The following GLI3 variants were observed in gnomAD, a reference collection of about 807,000 sequenced individuals.
GLI3 encodes transcription activator GLI3.
Under a neutral mutation model 100.8 loss-of-function variants are expected in GLI3, and 20 were observed. That is an observed-to-expected ratio of 0.20 (90% confidence interval 0.14 to 0.29). GLI3 has a LOEUF of 0.29. Ranked by LOEUF, GLI3 falls within the 10% of genes least tolerant of loss-of-function variation. The pLI, the probability that GLI3 is intolerant of heterozygous loss-of-function variation, is 1.00. For missense variants in GLI3, 2,040 were observed against 2,128.5 expected (o/e 0.96, Z 0.82); for synonymous variants, 938 against 860.5 (o/e 1.09, Z -1.58).
intron 1 of GLI3, among the ~76,000 whole-genome samples, chr7:42,254,203 G>T (rs370939877): frequency 4.6e-5 from 4 of 87,660 alleles, no homozygotes; most frequent in African/African-American, 7.6e-5. Flanking sequence ...TGGGCAACAA[G>T]AGCAAAACTC....
intron 4 of GLI3, among the ~76,000 whole-genome samples, chr7:42,049,465 T>C (rs557983867): frequency 2.2e-4 from 34 of 152,382 alleles, no homozygotes; most frequent in Admixed American, 2.1e-3. Context: ...CCACGTTCAG[T>C]GAGCAGTAGC....
intron 3 of GLI3, among the ~76,000 whole-genome samples, chr7:42,104,371 C>T (rs1039646993): frequency 2.0e-5 from 3 of 152,194 alleles, no homozygotes; most frequent in Non-Finnish European, 4.4e-5. Context: ...TTCACACATC[C>T]GCTCTAGCAT....
intron 12 of GLI3, among the ~76,000 whole-genome samples, chr7:41,974,064 C>T (rs750920775): frequency 1.4e-4 from 21 of 152,180 alleles, no homozygotes; most frequent in Non-Finnish European, 1.9e-4. Flanking sequence ...GTTCCATCAA[C>T]AGGCAGACTG....
At position 42,008,534 on chromosome 7, in the gene GLI3, C is replaced by T. The variant is rs112247305; in HGVS notation, c.1497+14934G>A. Among the ~76,000 whole-genome samples the T allele has an allele frequency of 2.8e-3, 431 of 152,304 alleles. 6 individuals carry two copies. Among genetic ancestry groups the T allele is most frequent in the African/African-American group, 9.0e-3 (375 of 41,570 alleles). On this transcript the variant is annotated intron_variant, in intron 10 of 14. Coordinates refer to ENST00000395925, the MANE Select transcript of GLI3 (RefSeq NM_000168.6). ...CAAGTGCTCACTGCAGCCTTGAACT[C>T]CTAGGCTCAGGTAATCCTCCAGCCT...
upstream of GLI3, among the ~76,000 whole-genome samples, chr7:42,241,981 G>T (rs1788929443): frequency 6.6e-6 from 1 of 152,150 alleles, no homozygotes; most frequent in African/African-American, 2.4e-5. Flanking sequence ...TTTTCTCTCA[G>T]TTGTCTCAAA....
Position 42,119,498 on chromosome 7 carries a change from G to A in GLI3, c.367+28728C>T, listed in dbSNP as rs796782120. ...ACTCTCTTCTTAAAGTAAGTGCTGG[G>A]GTTTGGGAGGTTCTTACCCTAGGCA... On this transcript the variant is annotated intron_variant, in intron 3 of 14. Transcript: ENST00000395925. Among the ~76,000 whole-genome samples the A allele has an allele frequency of 7.2e-5, 11 of 152,226 alleles. No individual in the cohort carries two copies. The East Asian group carries it at 1.7e-3, about 24-fold the overall frequency.
At position 42,236,034 on chromosome 7, in the gene GLI3, C is replaced by A. The variant is rs1042340123; in HGVS notation, c.-43+937G>T. On this transcript the variant is annotated intron_variant, in intron 1 of 14. Coordinates refer to ENST00000395925, the MANE Select transcript of GLI3 (RefSeq NM_000168.6). ...TCAGGCAGGGAAGCCTGGGGTGCAG[C>A]GCCTCTCGGGGGACGGCATCTTACA... Among the ~76,000 whole-genome samples, 8 of 151,818 alleles carry A rather than the reference C, an allele frequency of 5.3e-5. No individual in the cohort carries two copies. The East Asian group carries it at 1.2e-3, about 22-fold the overall frequency.
intron 10 of GLI3, among the ~76,000 whole-genome samples, chr7:42,010,628 A>G (rs943229670): frequency 6.6e-6 from 1 of 152,240 alleles, no homozygotes; most frequent in African/African-American, 2.4e-5. Context: ...ACTTGAGGCA[A>G]CTTGACTGAA....
intron 2 of GLI3, among the ~76,000 whole-genome samples, chr7:42,175,345 C>T (rs1583622380): frequency 1.3e-5 from 2 of 152,300 alleles, no homozygotes; most frequent in Admixed American, 1.3e-4. Flanking sequence ...GGGCTGGGTA[C>T]AGTGGCTCAT....
intron 10 of GLI3, among the ~76,000 whole-genome samples, chr7:42,003,025 C>T (rs896589500): frequency 1.3e-5 from 2 of 152,206 alleles, no homozygotes; most frequent in African/African-American, 4.8e-5. Flanking sequence ...AATGCAAGCA[C>T]CATGAGGACA....
intron 10 of GLI3, among the ~76,000 whole-genome samples, chr7:41,983,525 G>A (rs564935885): frequency 6.6e-6 from 1 of 152,002 alleles, no homozygotes; most frequent in South Asian, 2.1e-4. Context: ...GTTTATTTGT[G>A]GTTTCATTGA....
At chr7:41,970,254 A>C (rs1432384645) in intron 13 of GLI3, among the ~76,000 whole-genome samples, 2 of 152,194 alleles carry the variant, frequency 1.3e-5, no homozygotes, top group Admixed American at 1.3e-4. Context: ...AAAGAATTTA[A>C]TTTATAGCAT....
At chr7:42,104,357 C>T (rs1286665539) in intron 3 of GLI3, among the ~76,000 whole-genome samples, 1 of 152,226 alleles carries the variant, frequency 6.6e-6, no homozygotes, top group Non-Finnish European at 1.5e-5. Flanking sequence ...ACCCTCCAGC[C>T]TTGTTCACAC....
rs1787214913 is a variant in GLI3 at position 42,165,138 on chromosome 7, G to A, written c.125-16670C>T. Among the ~76,000 whole-genome samples, 4 of 151,278 alleles carry A rather than the reference G, an allele frequency of 2.6e-5. No individual in the cohort carries two copies. In the South Asian group the frequency reaches 8.3e-4, roughly 32 times the overall value. On this transcript the variant is annotated intron_variant, in intron 2 of 14. Coordinates refer to ENST00000395925, the MANE Select transcript of GLI3 (RefSeq NM_000168.6). ...AAAAATACAAAAATTAGCCAGGCGT[G>A]GAGATTGCAGTGAGCCTGGGCAACA... is the stretch of plus-strand genomic sequence containing the variant.
At chr7:42,039,829 T>A (rs1189274614) in intron 7 of GLI3, among the ~76,000 whole-genome samples, 1 of 152,258 alleles carries the variant, frequency 6.6e-6, no homozygotes, top group South Asian at 2.1e-4. Flanking sequence ...GGCTATTGAC[T>A]AATGTCTGCA....
chr7:42,013,333 T>C (rs1455147371), intron 10 of GLI3, among the ~76,000 whole-genome samples: 9 of 152,116 alleles, frequency 5.9e-5, no homozygotes, highest in Admixed American at 5.9e-4. Flanking sequence ...TGTATGGAAC[T>C]ATTTGCCAGG....
At chr7:42,249,495 GA>G (rs1479216295) in intron 1 of GLI3, among the ~76,000 whole-genome samples, 2 of 152,166 alleles carry the variant, frequency 1.3e-5, no homozygotes, top group East Asian at 3.9e-4. Flanking sequence ...TTAGTGGGAA[GA>G]AAAGGGGTGA....
chr7:42,138,673 G>A lies in GLI3; in HGVS notation c.367+9553C>T, dbSNP rs529145604. Among the ~76,000 whole-genome samples, 12 of 152,136 alleles carry A rather than the reference G, an allele frequency of 7.9e-5. No homozygotes were observed. The South Asian group carries it at 2.5e-3, about 32-fold the overall frequency. On this transcript the variant is annotated intron_variant, in intron 3 of 14. Transcript: ENST00000395925. ...CCATTTGAAAACAGGCTTATTCCAC[G>A]AAAGCAAACCAGAAGAAGAGCTGGC... is the stretch of plus-strand genomic sequence containing the variant.
At chr7:42,185,778 G>A (rs768528803) in intron 2 of GLI3, among the ~76,000 whole-genome samples, 5 of 152,106 alleles carry the variant, frequency 3.3e-5, no homozygotes, top group African/African-American at 7.2e-5. Flanking sequence ...AGAAACACAC[G>A]CACACACACC....
Sources: gnomAD v4.1 joint callset for allele counts (sites outside exome capture counted in the v4.1 genomes callset) on GRCh38, gnomAD v4.1.1 for gene constraint, MANE v1.5 for transcripts, NCBI Gene and HGNC (gene_info 2026-07-23, HGNC 2026-07-21) for gene names.